The following THADA variants were observed in gnomAD, a reference collection of about 807,000 sequenced individuals.
The protein encoded by THADA is tRNA (32-2'-O)-methyltransferase regulator THADA.
A neutral mutation model predicts 219.8 loss-of-function variants in THADA; 213 were observed. The ratio of observed to expected loss-of-function variants is 0.97; its 90% CI spans 0.87 to 1.09. The LOEUF (loss-of-function observed/expected upper bound fraction) is 1.09, where lower values mean the gene tolerates loss of function less well. Ranked by LOEUF, THADA falls within the 50% of genes least tolerant of loss-of-function variation. The pLI is 0.00. For missense variants in THADA, 2,956 were observed against 2,311.3 expected (o/e 1.28, Z -5.72); for synonymous variants, 1,018 against 828.9 (o/e 1.23, Z -3.92).
Position 43,514,686 on chromosome 2 carries a change from A to ATATTG in THADA, c.3375-5907_3375-5906insCAATA, listed in dbSNP as rs1558888086. Among the ~76,000 whole-genome samples, 6 of 73,530 alleles carry ATATTG rather than the reference A, an allele frequency of 8.2e-5. 1 individual carries two copies. The highest frequency in any genetic ancestry group is 3.8e-4 in the African/African-American group (6 of 15,756). The allele number at this position is 73,530 out of a possible 152,430, so 48.2% of individuals were successfully genotyped here. On this transcript the variant is annotated intron_variant, in intron 22 of 37. Coordinates refer to ENST00000405975, the MANE Select transcript of THADA (RefSeq NM_022065.5). ...ATAATAATATATAATATATTATATTATATATAATATATATAATATATATAT... is the reference window on the plus strand; with the variant it reads ...ATAATAATATATAATATATTATATTATATTGTATATAATATATATAATATATATAT...
chr2:43,337,486 T>A (rs1363988392), intron 30 of THADA, among the ~76,000 whole-genome samples: 1 of 152,202 alleles, frequency 6.6e-6, no homozygotes, highest in Non-Finnish European at 1.5e-5. Context: ...GAGTAAGCAT[T>A]CAAAACGTAA....
intron 22 of THADA, among the ~76,000 whole-genome samples, chr2:43,512,213 T>C (rs1690565466): frequency 6.6e-6 from 1 of 152,198 alleles, no homozygotes. Flanking sequence ...CACCAGCTCC[T>C]ACCATCTAGT....
chr2:43,454,920 A>G (rs1176993019), intron 26 of THADA, among the ~76,000 whole-genome samples: 1 of 147,178 alleles, frequency 6.8e-6, no homozygotes, highest in Non-Finnish European at 1.5e-5. Flanking sequence ...AATTCTCTGT[A>G]TATGAGCTGT....
intron 26 of THADA, among the ~76,000 whole-genome samples, chr2:43,475,853 T>G (rs1406740030): frequency 6.6e-6 from 1 of 152,198 alleles, no homozygotes. Flanking sequence ...AAAACATATT[T>G]TCCTATTAAG....
Position 43,573,844 on chromosome 2 carries a change from G to C in THADA, c.1729+492C>G, listed in dbSNP as rs573719687. 2.0e-5 allele frequency among the ~76,000 whole-genome samples: 3 copies of C among 152,066 alleles called. No individual in the cohort carries two copies. In the South Asian group the frequency reaches 6.2e-4, roughly 32 times the overall value. On this transcript the variant is annotated intron_variant, in intron 11 of 37. Coordinates refer to ENST00000405975, the MANE Select transcript of THADA (RefSeq NM_022065.5). ...CCTGTAGGGTTTGTGAGTTTCAATG[G>C]GATGTTTACCCCTATTCTAAATAAC...
intron 26 of THADA, among the ~76,000 whole-genome samples, chr2:43,472,163 C>T (rs1558815009): frequency 6.6e-6 from 1 of 152,208 alleles, no homozygotes; most frequent in Non-Finnish European, 1.5e-5. Flanking sequence ...CTTCATGGGA[C>T]AGCCAACCAG....
chr2:43,589,911 A>G (rs1393631779), intron 4 of THADA, among the ~76,000 whole-genome samples: 1 of 152,212 alleles, frequency 6.6e-6, no homozygotes, highest in Non-Finnish European at 1.5e-5. Context: ...TTTTACTACA[A>G]TTAGGATTTT....
chr2:43,346,835 C>T (rs904605323), intron 29 of THADA, among the ~76,000 whole-genome samples: 1 of 152,188 alleles, frequency 6.6e-6, no homozygotes, highest in Non-Finnish European at 1.5e-5. Context: ...ACCTGCATGG[C>T]AGCATCGTCA....
intron 29 of THADA, among the ~76,000 whole-genome samples, chr2:43,345,223 A>G (rs1667505625): frequency 6.6e-6 from 1 of 152,182 alleles, no homozygotes; most frequent in Non-Finnish European, 1.5e-5. Context: ...CCTATCAACA[A>G]TGGGCTGACA....
intron 29 of THADA, among the ~76,000 whole-genome samples, chr2:43,385,874 TA>T (rs897054015): frequency 1.1e-3 from 152 of 144,386 alleles, no homozygotes; most frequent in East Asian, 2.8e-3. Context: ...CATTTGATAT[TA>T]AAAAAAAAAA....
intron 29 of THADA, among the ~76,000 whole-genome samples, chr2:43,347,500 G>T (rs1048938658): frequency 1.3e-5 from 2 of 152,118 alleles, no homozygotes; most frequent in Admixed American, 6.5e-5. Flanking sequence ...CATTTTAAGG[G>T]TATTAAAATA....
At chr2:43,292,034 A>T (rs989560386) in intron 33 of THADA, 70 bp downstream of exon 33, 2 of 1,068,822 alleles carry the variant, frequency 1.9e-6, no homozygotes, top group Non-Finnish European at 2.7e-6. Context: ...ATTGTGTGCA[A>T]GTTCATTACA....
chr2:43,544,852 C>T (rs201795193), intron 20 of THADA, among the ~76,000 whole-genome samples: 26,420 of 141,250 alleles, frequency 0.19, 2,209 homozygotes, highest in Middle Eastern at 0.26. Flanking sequence ...CTTTTCCTAA[C>T]TGAATACCCT....
chr2:43,574,922 G>T lies in THADA; in HGVS notation c.1143C>A (p.Ser381Arg). The change falls in exon 11 of 38, where the codon AGC becomes AGA. Residue 381 changes from serine (S) to arginine (R), a missense_variant. Transcript: ENST00000405975. ...LESSSPSLTDSLNGNSSIVGR... is the reference protein window; with the variant it reads ...LESSSPSLTDRLNGNSSIVGR... The stretch of plus-strand genomic sequence containing the variant: ...CAACTATACTTGAATTCCCATTCAG[G>T]CTGTCCGTTAGGCTCGGGGAACTTG... 1 of 1,613,922 alleles carries T rather than the reference G, an allele frequency of 6.2e-7. No individual in the cohort carries two copies. The highest frequency in any genetic ancestry group is 2.2e-5 in the East Asian group (1 of 44,874).
intron 36 of THADA, among the ~76,000 whole-genome samples, chr2:43,274,164 G>A (rs1672452845): frequency 6.6e-6 from 1 of 152,140 alleles, no homozygotes; most frequent in East Asian, 1.9e-4. Flanking sequence ...GCAGCCCCAG[G>A]CTGGCTTTCT....
chr2:43,488,972 GATAA>G (rs934686418), intron 25 of THADA, among the ~76,000 whole-genome samples: 28 of 152,158 alleles, frequency 1.8e-4, no homozygotes, highest in African/African-American at 6.5e-4. Context: ...CTTTTTTGGA[GATAA>G]ATATTCTTTG....
rs549556031 is a variant in THADA, at chr2:43,572,556, A to G, written c.1908+258T>C. Among the ~76,000 whole-genome samples the G allele has an allele frequency of 2.6e-5, 4 of 152,274 alleles. No homozygotes were observed. In the South Asian group the frequency reaches 8.3e-4, roughly 32 times the overall value. ...GTCCTTATGTATTTAAGGGCACATGATGGCATGCTTGTATCTGTATTGTCA... is the reference window on the plus strand; with the variant it reads ...GTCCTTATGTATTTAAGGGCACATGGTGGCATGCTTGTATCTGTATTGTCA... On this transcript the variant is annotated intron_variant, in intron 12 of 37. Coordinates refer to ENST00000405975, the MANE Select transcript of THADA (RefSeq NM_022065.5).
At chr2:43,368,040 C>A (rs896479274) in intron 29 of THADA, among the ~76,000 whole-genome samples, 1 of 152,148 alleles carries the variant, frequency 6.6e-6, no homozygotes, top group East Asian at 1.9e-4. Context: ...ATCACTTGAA[C>A]CCGGGACGCA....
intron 2 of THADA, 127 bp downstream of exon 2, chr2:43,592,190 T>C (rs1701653331): frequency 1.1e-5 from 11 of 1,001,748 alleles, no homozygotes; most frequent in Admixed American, 3.0e-5. Context: ...AAGAAAATTG[T>C]TTTACATCCA....
Sources: gnomAD v4.1 joint callset for allele counts (sites outside exome capture counted in the v4.1 genomes callset) on GRCh38, gnomAD v4.1.1 for gene constraint, MANE v1.5 for transcripts, NCBI Gene and HGNC (gene_info 2026-07-23, HGNC 2026-07-21) for gene names.